TRPC4: variants seen among roughly 807,000 people sequenced by gnomAD.
TRPC4 encodes transient receptor potential cation channel subfamily C member 4.
A neutral mutation model predicts 99.4 loss-of-function variants in TRPC4; 49 were observed. The observed-to-expected ratio is 0.49, with a 90% confidence interval of 0.39 to 0.63. TRPC4 has a LOEUF of 0.63. Ranked by LOEUF, TRPC4 falls within the 20% of genes least tolerant of loss-of-function variation. The probability of loss-of-function intolerance (pLI) is 0.00; values close to 1 mark genes in which losing one functional copy is unlikely to be tolerated. For synonymous variants in TRPC4, 454 were observed against 425.9 expected (o/e 1.07, Z -0.81); for missense variants, 898 against 1,152.9 (o/e 0.78, Z 3.20).
At chr13:37,675,966 CT>C (rs923843768) in intron 4 of TRPC4, among the ~76,000 whole-genome samples, 132 of 152,272 alleles carry the variant, frequency 8.7e-4, no homozygotes, top group African/African-American at 3.1e-3. Context: ...GAATAATCTT[CT>C]TTTCCACCCT....
chr13:37,688,153 T>C (rs1424235469), intron 4 of TRPC4, among the ~76,000 whole-genome samples: 3 of 152,204 alleles, frequency 2.0e-5, no homozygotes, highest in African/African-American at 7.2e-5. Flanking sequence ...AACCTTCAAA[T>C]ACAAGCAAGT....
At chr13:37,801,931 C>T (rs1045064406) in intron 1 of TRPC4, among the ~76,000 whole-genome samples, 1 of 151,988 alleles carries the variant, frequency 6.6e-6, no homozygotes, top group Non-Finnish European at 1.5e-5. Flanking sequence ...ACTGCATGCA[C>T]ACTTAATGGA....
At chr13:37,639,164 A>T (rs1208110531) in intron 9 of TRPC4, 35 bp from the exon 10 acceptor site, 2 of 1,612,980 alleles carry the variant, frequency 1.2e-6, no homozygotes, top group East Asian at 4.5e-5. Flanking sequence ...TTGATACTCA[A>T]TGAGTAAATA....
chr13:37,654,734 A>G (rs1430239859), intron 7 of TRPC4, among the ~76,000 whole-genome samples: 3 of 152,084 alleles, frequency 2.0e-5, no homozygotes, highest in African/African-American at 7.2e-5. Context: ...CGCTTATATG[A>G]GAGTGGTAGG....
intron 3 of TRPC4, among the ~76,000 whole-genome samples, chr13:37,732,245 C>A (rs147956244): frequency 1.4e-3 from 217 of 152,100 alleles, no homozygotes; most frequent in Non-Finnish European, 1.4e-3. Flanking sequence ...AGAGAGAGAA[C>A]CAGTCTAACC....
chr13:37,742,206 A>T (rs1955612770), intron 3 of TRPC4, among the ~76,000 whole-genome samples: 1 of 152,200 alleles, frequency 6.6e-6, no homozygotes, highest in Non-Finnish European at 1.5e-5. Flanking sequence ...TGAAATTAAC[A>T]CAGAGCTTTC....
intron 1 of TRPC4, among the ~76,000 whole-genome samples, chr13:37,810,431 T>C (rs951859076): frequency 2.6e-5 from 4 of 152,076 alleles, no homozygotes; most frequent in Admixed American, 2.6e-4. Context: ...GTCTTGATAC[T>C]ATACTAAATA....
At chr13:37,780,004 T>C (rs1277830465) in intron 2 of TRPC4, among the ~76,000 whole-genome samples, 2 of 152,050 alleles carry the variant, frequency 1.3e-5, no homozygotes, top group African/African-American at 4.8e-5. Context: ...ATTCCCATGA[T>C]ACTTTTCTTT....
chr13:37,706,478 TTC>T (rs1954281521), intron 3 of TRPC4, among the ~76,000 whole-genome samples: 1 of 152,152 alleles, frequency 6.6e-6, no homozygotes, highest in Non-Finnish European at 1.5e-5. Context: ...TTAGAAGCTA[TTC>T]TTTTTTATTA....
chr13:37,679,110 T>A (rs533155493), intron 4 of TRPC4, among the ~76,000 whole-genome samples: 78 of 152,262 alleles, frequency 5.1e-4, no homozygotes, highest in African/African-American at 1.9e-3. Flanking sequence ...AATTTATAAC[T>A]ACTTTTCTGT....
At chr13:37,660,777 A>C (rs1338631804) in intron 6 of TRPC4, among the ~76,000 whole-genome samples, 1 of 152,170 alleles carries the variant, frequency 6.6e-6, no homozygotes, top group East Asian at 1.9e-4. Flanking sequence ...GTGGGCAGTA[A>C]AAAAGAGCCT....
intron 3 of TRPC4, among the ~76,000 whole-genome samples, chr13:37,734,099 A>G (rs114225668): frequency 0.015 from 2,289 of 152,258 alleles, 45 homozygotes; most frequent in African/African-American, 0.052. Context: ...TCCATGTTCC[A>G]TGCTCTTCTT....
chr13:37,673,676 T>G (rs1325593853), intron 5 of TRPC4, among the ~76,000 whole-genome samples: 3 of 152,152 alleles, frequency 2.0e-5, no homozygotes, highest in African/African-American at 7.2e-5. Context: ...AGATTGATGG[T>G]GTACAAAATC....
At chr13:37,775,206 A>G (rs1263266426) in intron 2 of TRPC4, among the ~76,000 whole-genome samples, 2 of 151,828 alleles carry the variant, frequency 1.3e-5, no homozygotes, top group African/African-American at 2.4e-5. Flanking sequence ...AGCCTCTTCA[A>G]TGCACACATG....
chr13:37,743,685 A>G (rs1458313515), intron 3 of TRPC4, among the ~76,000 whole-genome samples: 1 of 152,188 alleles, frequency 6.6e-6, no homozygotes, highest in African/African-American at 2.4e-5. Context: ...AAATTAATGC[A>G]TGACCAAAGT....
At chr13:37,789,402 G>A (rs636345) in intron 1 of TRPC4, among the ~76,000 whole-genome samples, 136,231 of 152,168 alleles carry the variant, frequency 0.9, 62,651 homozygotes, top group East Asian at 1. Flanking sequence ...GCACAGTTAT[G>A]TAGCCTTTTT....
intron 1 of TRPC4, among the ~76,000 whole-genome samples, chr13:37,869,117 GA>G (rs1959983322): frequency 6.6e-6 from 1 of 152,042 alleles, no homozygotes; most frequent in Non-Finnish European, 1.5e-5. Flanking sequence ...GTAGAACATT[GA>G]TCACTCTCCT....
intron 1 of TRPC4, among the ~76,000 whole-genome samples, chr13:37,835,478 C>A (rs559721719): frequency 1.3e-5 from 2 of 152,174 alleles, no homozygotes; most frequent in Non-Finnish European, 2.9e-5. Context: ...TGTACAAACA[C>A]CATGGGTTTC....
At chr13:37,648,955 G>T (rs1005536296) in intron 8 of TRPC4, among the ~76,000 whole-genome samples, 6 of 151,854 alleles carry the variant, frequency 4.0e-5, no homozygotes, top group African/African-American at 1.5e-4. Context: ...GATTCTCTCT[G>T]CCATTGCCTA....
Sources: gnomAD v4.1 joint callset for allele counts (sites outside exome capture counted in the v4.1 genomes callset) on GRCh38, gnomAD v4.1.1 for gene constraint, MANE v1.5 for transcripts, NCBI Gene and HGNC (gene_info 2026-07-23, HGNC 2026-07-21) for gene names.